Variants in RAP1A observed in about 807,000 individuals in gnomAD.
RAP1A encodes the protein ras-related protein Rap-1A.
RAP1A carries 6 observed loss-of-function variants against 26.4 expected under a neutral mutation model. The ratio of observed to expected loss-of-function variants is 0.23; its 90% CI spans 0.12 to 0.45. The LOEUF is 0.45. Ranked by LOEUF, RAP1A falls within the 20% of genes least tolerant of loss-of-function variation. The pLI, the probability that RAP1A is intolerant of heterozygous loss-of-function variation, is 0.99. For synonymous variants in RAP1A, 73 were observed against 79.4 expected (o/e 0.92, Z 0.43); for missense variants, 121 against 217.2 (o/e 0.56, Z 2.78).
intron 1 of RAP1A, among the ~76,000 whole-genome samples, chr1:111,547,242 C>A (rs1469504105): frequency 6.6e-6 from 1 of 151,792 alleles, no homozygotes; most frequent in African/African-American, 2.4e-5. Flanking sequence ...TCAAAGATGA[C>A]CTTTATGAGA....
At chr1:111,683,354 A>G (rs1441796678) in intron 1 of RAP1A, among the ~76,000 whole-genome samples, 1 of 151,220 alleles carries the variant, frequency 6.6e-6, no homozygotes, top group Non-Finnish European at 1.5e-5. Flanking sequence ...CACAAAAAAA[A>G]CCTTCAAAAA....
intron 4 of RAP1A, among the ~76,000 whole-genome samples, 198 bp downstream of exon 4, chr1:111,697,695 TAATAATC>T (rs1661879932): frequency 6.6e-6 from 1 of 152,152 alleles, no homozygotes; most frequent in Non-Finnish European, 1.5e-5. Context: ...AGTTCACCTG[TAATAATC>T]TGTGTGTTGG....
chr1:111,555,037 T>C (rs151216942), intron 1 of RAP1A, among the ~76,000 whole-genome samples: 17 of 151,648 alleles, frequency 1.1e-4, no homozygotes, highest in Admixed American at 4.6e-4. Flanking sequence ...AGAGAACTAA[T>C]TGAAAACAGG....
At chr1:111,571,821 G>A (rs564840622) in intron 1 of RAP1A, among the ~76,000 whole-genome samples, 111 of 152,296 alleles carry the variant, frequency 7.3e-4, no homozygotes, top group African/African-American at 2.6e-3. Flanking sequence ...CTTGAAGTTG[G>A]TGAGAGGATA....
intron 1 of RAP1A, among the ~76,000 whole-genome samples, chr1:111,625,872 G>A (rs759912588): frequency 7.3e-5 from 11 of 151,556 alleles, no homozygotes; most frequent in Non-Finnish European, 1.6e-4. Context: ...CACCTCCTGG[G>A]CTCAAGCTAT....
chr1:111,624,227 A>G (rs1659320237), intron 1 of RAP1A, among the ~76,000 whole-genome samples: 1 of 152,228 alleles, frequency 6.6e-6, no homozygotes, highest in East Asian at 1.9e-4. Context: ...TTAATGCCAG[A>G]TTCATATCTT....
At chr1:111,589,735 A>T (rs969098161) in intron 1 of RAP1A, among the ~76,000 whole-genome samples, 1 of 152,058 alleles carries the variant, frequency 6.6e-6, no homozygotes, top group African/African-American at 2.4e-5. Flanking sequence ...TTTTTGCAAC[A>T]GGGTCTCACT....
intron 1 of RAP1A, among the ~76,000 whole-genome samples, chr1:111,622,464 C>T (rs749066358): frequency 7.9e-5 from 12 of 152,132 alleles, no homozygotes; most frequent in Non-Finnish European, 1.6e-4. Flanking sequence ...CCTTTTTCCC[C>T]AAGGCAGTAT....
Position 111,715,840 on chromosome 1 carries a change from A to T in RAP1A, c.*3439A>T, listed in dbSNP as rs547285499. 2.6e-5 allele frequency: 4 copies of T among 152,232 alleles called. No individual in the cohort carries two copies. The highest frequency in any genetic ancestry group is 5.9e-5 in the Non-Finnish European group (4 of 68,018). The allele number at this position is 152,232 out of a possible 1,614,324, so 9.4% of individuals were successfully genotyped here. ...ATAAGACATTCTACATTTCCTGGAC[A>T]TGGCCAGTTTAAAATATTTTGCCCC... is the stretch of plus-strand genomic sequence containing the variant. On this transcript the variant is annotated 3_prime_UTR_variant, in exon 8 of 8. Coordinates refer to ENST00000369709, the MANE Select transcript of RAP1A (RefSeq NM_002884.4).
At chr1:111,594,721 C>T (rs1297575078) in intron 1 of RAP1A, among the ~76,000 whole-genome samples, 1 of 152,144 alleles carries the variant, frequency 6.6e-6, no homozygotes, top group East Asian at 1.9e-4. Context: ...ATTTAGTCTT[C>T]TGCTCACCTG....
At chr1:111,634,075 A>G (rs769928585) in intron 1 of RAP1A, among the ~76,000 whole-genome samples, 1 of 152,236 alleles carries the variant, frequency 6.6e-6, no homozygotes, top group Non-Finnish European at 1.5e-5. Context: ...CAACACTCCC[A>G]TAACCACATG....
chr1:111,650,377 C>T (rs985646975), intron 1 of RAP1A: 9 of 151,910 alleles, frequency 5.9e-5, no homozygotes, highest in African/African-American at 1.9e-4. Flanking sequence ...GTTGAATTTC[C>T]GGCTTTTCTG....
At chr1:111,567,432 C>T (rs1186582915) in intron 1 of RAP1A, among the ~76,000 whole-genome samples, 9 of 152,306 alleles carry the variant, frequency 5.9e-5, no homozygotes, top group Middle Eastern at 3.4e-3. Context: ...TGCTAAAAGT[C>T]TCATCACTGC....
chr1:111,590,594 C>CTT (rs976316986), intron 1 of RAP1A, among the ~76,000 whole-genome samples: 1 of 141,914 alleles, frequency 7.0e-6, no homozygotes, highest in African/African-American at 2.6e-5. Context: ...TTCTAATGGT[C>CTT]TTTTTTTTTT....
chr1:111,663,223 T>A (rs1471598728), intron 1 of RAP1A, among the ~76,000 whole-genome samples: 1 of 152,110 alleles, frequency 6.6e-6, no homozygotes, highest in African/African-American at 2.4e-5. Context: ...AGGCTCTTTG[T>A]TTTTGATCAG....
upstream of RAP1A, among the ~76,000 whole-genome samples, chr1:111,615,570 C>T (rs1199090653): frequency 3.3e-5 from 5 of 152,068 alleles, no homozygotes; most frequent in Admixed American, 2.0e-4. Flanking sequence ...TGGTGGCTCA[C>T]GCCTGTAATC....
intron 1 of RAP1A, among the ~76,000 whole-genome samples, chr1:111,679,284 G>A (rs953939093): frequency 6.6e-6 from 1 of 152,158 alleles, no homozygotes; most frequent in African/African-American, 2.4e-5. Context: ...GGAAGTGCAA[G>A]GGGTCAGCGA....
chr1:111,628,195 G>A (rs1018845430), intron 1 of RAP1A, among the ~76,000 whole-genome samples: 9 of 152,264 alleles, frequency 5.9e-5, no homozygotes, highest in African/African-American at 2.2e-4. Context: ...AGCTATTTTC[G>A]TTAAATTTGT....
intron 4 of RAP1A, among the ~76,000 whole-genome samples, chr1:111,702,004 T>G (rs1571573402): frequency 6.6e-6 from 1 of 152,304 alleles, no homozygotes; most frequent in Non-Finnish European, 1.5e-5. Flanking sequence ...TGGCACACCT[T>G]AGACGAATTT....
Sources: gnomAD v4.1 joint callset for allele counts (sites outside exome capture counted in the v4.1 genomes callset) on GRCh38, gnomAD v4.1.1 for gene constraint, MANE v1.5 for transcripts, NCBI Gene and HGNC (gene_info 2026-07-23, HGNC 2026-07-21) for gene names.